The following MINDY3 variants were observed in gnomAD, a reference collection of about 807,000 sequenced individuals.
The protein encoded by MINDY3 is ubiquitin carboxyl-terminal hydrolase MINDY-3.
A neutral mutation model predicts 69.2 loss-of-function variants in MINDY3; 38 were observed. The ratio of observed to expected loss-of-function variants is 0.55; its 90% confidence interval spans 0.42 to 0.72. The LOEUF (loss-of-function observed/expected upper bound fraction) is 0.72. MINDY3 is among the 30% of genes least tolerant of loss of function. The pLI is 0.00. For missense variants in MINDY3, 522 were observed against 519.0 expected (o/e 1.01, Z -0.06); for synonymous variants, 192 against 180.1 (o/e 1.07, Z -0.53).
chr10:15,789,388 C>G, intron 11 of MINDY3, 69 bp from the exon 12 acceptor site: 1 of 1,188,606 alleles, frequency 8.4e-7, no homozygotes, highest in Non-Finnish European at 1.2e-6. Context: ...TAATGCTGAT[C>G]AGGTTCCAGG....
At position 15,810,760 on chromosome 10, in the gene MINDY3, A is replaced by G. The variant is rs116141552; in HGVS notation, c.882+6075T>C. On this transcript the variant is annotated intron_variant, in intron 10 of 14. Coordinates refer to ENST00000277632, the MANE Select transcript of MINDY3 (RefSeq NM_024948.4). ...ATCCTGCCATCACAGAGCTTACTAC[A>G]GAGAGAGACAGATAATATAGAAAAC... Among the ~76,000 whole-genome samples the G allele has an allele frequency of 6.4e-3, 981 of 152,302 alleles. 15 individuals carry two copies. Among genetic ancestry groups the G allele is most frequent in the African/African-American group, 0.021 (883 of 41,566 alleles).
Position 15,821,722 on chromosome 10 carries a change from A to C in MINDY3, c.735T>G (p.Leu245=), listed in dbSNP as rs1253975687. Residue 245 remains leucine, a synonymous_variant, in exon 9 of 15, where the codon CTT becomes CTG. Transcript: ENST00000277632. ...DGDRECSGMK[L]LGIHEQAAVG... ...CTGCTGCTTGTTCATGTATACCAAG[A>C]AGTTCTGCAAAAAACAACAACAACA... The C allele has an allele frequency of 1.9e-6, 3 of 1,610,692 alleles. No individual in the cohort carries two copies. Among genetic ancestry groups the C allele is most frequent in the Non-Finnish European group, 2.5e-6 (3 of 1,179,026 alleles).
At chr10:15,801,363 T>A (rs1838247439) in intron 10 of MINDY3, among the ~76,000 whole-genome samples, 2 of 152,106 alleles carry the variant, frequency 1.3e-5, no homozygotes, top group Admixed American at 1.3e-4. Flanking sequence ...CAGCTGCCAA[T>A]CTTTTGGCTG....
chr10:15,795,199 G>C (rs1316546450), intron 11 of MINDY3, among the ~76,000 whole-genome samples: 1 of 151,952 alleles, frequency 6.6e-6, no homozygotes, highest in Non-Finnish European at 1.5e-5. Context: ...TATTCATAAC[G>C]CCTCTAAGAA....
chr10:15,854,858 G>T (rs1834581651), intron 1 of MINDY3, among the ~76,000 whole-genome samples: 1 of 152,016 alleles, frequency 6.6e-6, no homozygotes, highest in Non-Finnish European at 1.5e-5. Context: ...GACAACTAAG[G>T]TTTCTGGTTA....
chr10:15,856,656 T>C (rs1834713323), intron 1 of MINDY3, among the ~76,000 whole-genome samples: 1 of 152,150 alleles, frequency 6.6e-6, no homozygotes, highest in Non-Finnish European at 1.5e-5. Context: ...TGCAATACCA[T>C]TAATGAGCTG....
intron 11 of MINDY3, among the ~76,000 whole-genome samples, chr10:15,790,853 T>C (rs1837354256): frequency 6.6e-6 from 1 of 152,140 alleles, no homozygotes; most frequent in Non-Finnish European, 1.5e-5. Flanking sequence ...GCTCAGTCTG[T>C]ACACCGTTTT....
chr10:15,789,413 TA>T, intron 11 of MINDY3, 94 bp from the exon 12 acceptor site: 1 of 912,454 alleles, frequency 1.1e-6, no homozygotes. Context: ...AAAAATCGCA[TA>T]AAAAATACAA....
chr10:15,810,983 C>A (rs1305812808), intron 10 of MINDY3, among the ~76,000 whole-genome samples: 1 of 152,090 alleles, frequency 6.6e-6, no homozygotes, highest in East Asian at 1.9e-4. Context: ...ATCAAAATTA[C>A]AATTACCACT....
At chr10:15,812,465 A>G (rs1431855584) in intron 10 of MINDY3, among the ~76,000 whole-genome samples, 1 of 152,184 alleles carries the variant, frequency 6.6e-6, no homozygotes, top group South Asian at 2.1e-4. Context: ...CTACCCATGC[A>G]ATATTAGAAA....
At chr10:15,860,108 G>C (rs556597011) in intron 1 of MINDY3, 98 bp downstream of exon 1, 6 of 882,508 alleles carry the variant, frequency 6.8e-6, no homozygotes, top group Non-Finnish European at 9.1e-6. Flanking sequence ...GGGGCAGAGA[G>C]CGGGGCACGC....
At chr10:15,833,333 T>C (rs1009805253) in intron 8 of MINDY3, among the ~76,000 whole-genome samples, 2 of 152,216 alleles carry the variant, frequency 1.3e-5, no homozygotes, top group Admixed American at 1.3e-4. Context: ...TGAATAAATA[T>C]GCACTGTGTT....
chr10:15,858,652 C>T (rs759020100), intron 1 of MINDY3, among the ~76,000 whole-genome samples: 1 of 152,198 alleles, frequency 6.6e-6, no homozygotes, highest in Non-Finnish European at 1.5e-5. Context: ...CCAAGTACAT[C>T]TATTCCAGAC....
chr10:15,798,207 T>C (rs959894083), intron 10 of MINDY3, among the ~76,000 whole-genome samples: 8 of 152,158 alleles, frequency 5.3e-5, no homozygotes, highest in Admixed American at 1.3e-4. Flanking sequence ...AAAGGGAGTA[T>C]CAGGTTACTT....
chr10:15,831,877 T>C (rs1840490731), intron 8 of MINDY3, among the ~76,000 whole-genome samples: 1 of 152,088 alleles, frequency 6.6e-6, no homozygotes, highest in African/African-American at 2.4e-5. Context: ...GGTTTCACTG[T>C]GTTGGCCAGG....
chr10:15,841,389 C>T lies in MINDY3; in HGVS notation c.409+37G>A, dbSNP rs371026919. The T allele has an allele frequency of 2.4e-5, 37 of 1,530,508 alleles. No individual in the cohort carries two copies. In the African/African-American group the frequency reaches 4.5e-4, roughly 18 times the overall value. The allele number at this position is 1,530,508 out of a possible 1,614,324, so 94.8% of individuals were successfully genotyped here. A position where few individuals can be genotyped will look rare whatever the true frequency, so the allele number is the denominator to read the frequency against. On this transcript the variant is annotated intron_variant, in intron 4 of 14. Coordinates refer to ENST00000277632, the MANE Select transcript of MINDY3 (RefSeq NM_024948.4). ...CAATAGATTCATTAAAACAAAGGAA[C>T]AAGAAAAAAACTTCAGGAAATAAAA...
At chr10:15,828,570 G>T (rs1472985021) in intron 8 of MINDY3, among the ~76,000 whole-genome samples, 1 of 134,096 alleles carries the variant, frequency 7.5e-6, no homozygotes, top group African/African-American at 3.3e-5. Context: ...TCTCAATAAA[G>T]CTATAAGTAA....
intron 11 of MINDY3, among the ~76,000 whole-genome samples, chr10:15,794,178 A>G (rs981789902): frequency 1.3e-5 from 2 of 152,084 alleles, no homozygotes; most frequent in African/African-American, 2.4e-5. Context: ...GTGACACAGG[A>G]TAACTGTCCC....
chr10:15,804,956 T>C (rs929439827), intron 10 of MINDY3, among the ~76,000 whole-genome samples: 4 of 152,130 alleles, frequency 2.6e-5, no homozygotes, highest in African/African-American at 9.7e-5. Flanking sequence ...CTGTGTCGTA[T>C]GGGCAGAGAA....
Sources: gnomAD v4.1 joint callset for allele counts (sites outside exome capture counted in the v4.1 genomes callset) on GRCh38, gnomAD v4.1.1 for gene constraint, MANE v1.5 for transcripts, NCBI Gene and HGNC (gene_info 2026-07-23, HGNC 2026-07-21) for gene names.